Variants in APBB2 observed in about 807,000 individuals in gnomAD.
The protein encoded by APBB2 is Fe65-like 1.
APBB2 carries 38 observed loss-of-function variants against 82.5 expected under a neutral mutation model. The ratio of observed to expected loss-of-function variants is 0.46; its 90% CI spans 0.36 to 0.60. The LOEUF (loss-of-function observed/expected upper bound fraction) is 0.60. APBB2 is among the 20% of genes least tolerant of loss of function. The probability of loss-of-function intolerance (pLI) is 0.00; values close to 1 mark genes in which losing one functional copy is unlikely to be tolerated. For missense variants in APBB2, 772 were observed against 972.3 expected (o/e 0.79, Z 2.74); for synonymous variants, 341 against 368.2 (o/e 0.93, Z 0.85).
chr4:41,037,134 C>T (rs1448442895), intron 4 of APBB2, among the ~76,000 whole-genome samples: 2 of 152,104 alleles, frequency 1.3e-5, no homozygotes, highest in Non-Finnish European at 2.9e-5. Flanking sequence ...TATTGGAAAA[C>T]ATTTAAGTAG....
intron 3 of APBB2, among the ~76,000 whole-genome samples, chr4:41,078,178 A>G (rs1736307344): frequency 2.0e-5 from 3 of 151,780 alleles, no homozygotes. Flanking sequence ...CTCTTCCTCA[A>G]TGGAATTCAT....
At chr4:41,207,585 C>T (rs1778283250) in intron 1 of APBB2, among the ~76,000 whole-genome samples, 1 of 152,022 alleles carries the variant, frequency 6.6e-6, no homozygotes, top group Non-Finnish European at 1.5e-5. Flanking sequence ...TTCCCTTACA[C>T]CCTCATCTTT....
chr4:41,146,059 C>T (rs914352153), intron 1 of APBB2, among the ~76,000 whole-genome samples: 1 of 152,020 alleles, frequency 6.6e-6, no homozygotes, highest in Non-Finnish European at 1.5e-5. Flanking sequence ...AACATGGTGA[C>T]TCATGCCTGT....
chr4:41,174,913 GCATCACTTA>G (rs1471290487), intron 1 of APBB2, among the ~76,000 whole-genome samples: 1 of 152,168 alleles, frequency 6.6e-6, no homozygotes, highest in African/African-American at 2.4e-5. Flanking sequence ...TGACACGATA[GCATCACTTA>G]CATCATTTTG....
intron 3 of APBB2, among the ~76,000 whole-genome samples, chr4:41,079,384 T>C (rs879497124): frequency 2.0e-5 from 3 of 152,164 alleles, no homozygotes; most frequent in South Asian, 2.1e-4. Context: ...TAGAGATAGG[T>C]AGCCATCCAC....
At chr4:40,966,650 T>A (rs1794733367) in intron 6 of APBB2, among the ~76,000 whole-genome samples, 1 of 152,184 alleles carries the variant, frequency 6.6e-6, no homozygotes. Context: ...TGTCACAACC[T>A]GGATGGGCAT....
At chr4:41,025,871 G>A (rs1713869780) in intron 5 of APBB2, among the ~76,000 whole-genome samples, 1 of 149,854 alleles carries the variant, frequency 6.7e-6, no homozygotes, top group African/African-American at 2.5e-5. Context: ...GGGGTTGGGG[G>A]GTGGAGGTGG....
intron 5 of APBB2, among the ~76,000 whole-genome samples, chr4:41,016,856 T>A (rs1810114311): frequency 6.6e-6 from 1 of 151,878 alleles, no homozygotes; most frequent in African/African-American, 2.4e-5. Flanking sequence ...ATTTATTAGT[T>A]TATTTACGTA....
At chr4:40,985,572 C>T (rs1004738395) in intron 6 of APBB2, among the ~76,000 whole-genome samples, 9 of 152,162 alleles carry the variant, frequency 5.9e-5, no homozygotes, top group African/African-American at 2.2e-4. Context: ...TTAAAACCCA[C>T]TTTAGTTATA....
intron 3 of APBB2, among the ~76,000 whole-genome samples, chr4:41,098,990 CA>C (rs1560747125): frequency 6.6e-6 from 1 of 152,088 alleles, no homozygotes; most frequent in African/African-American, 2.4e-5. Flanking sequence ...CATGTGATTA[CA>C]AGACAATAAA....
At chr4:40,905,627 G>A (rs532880837) in intron 10 of APBB2, among the ~76,000 whole-genome samples, 42 of 152,288 alleles carry the variant, frequency 2.8e-4, no homozygotes, top group African/African-American at 8.9e-4. Flanking sequence ...GACTTGCCAC[G>A]AAGCAACCTT....
At chr4:40,906,484 A>C (rs28436249) in intron 10 of APBB2, among the ~76,000 whole-genome samples, 3 of 141,554 alleles carry the variant, frequency 2.1e-5, no homozygotes, top group East Asian at 2.1e-4. Context: ...AAAAAAAAAA[A>C]AAAAGAAAAG....
At chr4:40,908,201 G>C (rs1467273858) in intron 10 of APBB2, among the ~76,000 whole-genome samples, 1 of 152,092 alleles carries the variant, frequency 6.6e-6, no homozygotes, top group African/African-American at 2.4e-5. Flanking sequence ...ACAAACCCGG[G>C]AGAGCGGCCC....
intron 1 of APBB2, among the ~76,000 whole-genome samples, chr4:41,189,369 G>A (rs1773787200): frequency 6.6e-6 from 1 of 152,186 alleles, no homozygotes; most frequent in Non-Finnish European, 1.5e-5. Context: ...AGGGGCAGGA[G>A]GAAGGCCACA....
At chr4:41,162,768 C>T (rs1012479720) in intron 1 of APBB2, among the ~76,000 whole-genome samples, 1 of 152,084 alleles carries the variant, frequency 6.6e-6, no homozygotes, top group Non-Finnish European at 1.5e-5. Context: ...GGTGGGAGGA[C>T]GGCTTGCTGG....
intron 12 of APBB2, among the ~76,000 whole-genome samples, chr4:40,849,732 T>A (rs948073300): frequency 1.3e-5 from 2 of 148,630 alleles, no homozygotes; most frequent in Admixed American, 1.3e-4. Context: ...TTACTTTTTT[T>A]TTTTTTTTTT....
intron 12 of APBB2, among the ~76,000 whole-genome samples, chr4:40,851,430 T>A (rs992451356): frequency 1.3e-5 from 2 of 152,136 alleles, no homozygotes; most frequent in Non-Finnish European, 2.9e-5. Flanking sequence ...GGGAGGGCGA[T>A]GAAAAACAAA....
intron 6 of APBB2, among the ~76,000 whole-genome samples, chr4:40,976,846 C>A (rs1273714561): frequency 6.6e-6 from 1 of 151,970 alleles, no homozygotes; most frequent in Non-Finnish European, 1.5e-5. Flanking sequence ...TTGAGATCAG[C>A]CTGAGCAACA....
At chr4:40,988,840 A>T (rs1241609544) in intron 6 of APBB2, among the ~76,000 whole-genome samples, 1 of 150,006 alleles carries the variant, frequency 6.7e-6, no homozygotes, top group African/African-American at 2.5e-5. Context: ...ATCTTGGCTC[A>T]CTGCAGCCTC....
Sources: gnomAD v4.1 joint callset for allele counts (sites outside exome capture counted in the v4.1 genomes callset) on GRCh38, gnomAD v4.1.1 for gene constraint, MANE v1.5 for transcripts, NCBI Gene and HGNC (gene_info 2026-07-23, HGNC 2026-07-21) for gene names.